Variants in NSUN6 observed in about 807,000 individuals in gnomAD.
NSUN6 encodes the protein tRNA (cytosine(72)-C(5))-methyltransferase NSUN6.
In NSUN6, 64 loss-of-function variants were observed where a neutral mutation model predicts 58.0. The observed-to-expected ratio is 1.10, with a 90% CI of 0.90 to 1.36. The LOEUF is 1.36. Ranked by LOEUF, NSUN6 falls within the 40% of genes most tolerant of loss-of-function variation. NSUN6 has a pLI of 0.00. For missense variants in NSUN6, 701 were observed against 550.1 expected, an observed-to-expected ratio of 1.27 and a Z score of -2.74; for synonymous variants, 231 against 193.9, an observed-to-expected ratio of 1.19 and a Z score of -1.59.
intron 3 of NSUN6, among the ~76,000 whole-genome samples, chr10:18,635,936 ATAAG>A (rs1564834754): frequency 6.6e-6 from 1 of 151,110 alleles, no homozygotes; most frequent in Non-Finnish European, 1.5e-5. Flanking sequence ...CTAAAGTTCA[ATAAG>A]TAAGAATTCC....
At chr10:18,629,283 C>T (rs1463655620) in intron 3 of NSUN6, among the ~76,000 whole-genome samples, 1 of 152,146 alleles carries the variant, frequency 6.6e-6, no homozygotes, top group East Asian at 1.9e-4. Flanking sequence ...ACAACTGCTA[C>T]CAGCCACTGC....
chr10:18,603,595 C>T (rs1030718725), intron 6 of NSUN6, among the ~76,000 whole-genome samples: 7 of 151,836 alleles, frequency 4.6e-5, no homozygotes, highest in African/African-American at 1.7e-4. Flanking sequence ...CTCAGCCTCC[C>T]AAATAGCTGG....
At chr10:18,564,751 TTCCATACCATACTGCATTCCATTCCATTC>T (rs764158997) in intron 8 of NSUN6, among the ~76,000 whole-genome samples, 7,270 of 142,434 alleles carry the variant, frequency 0.051, 260 homozygotes, top group Non-Finnish European at 0.081. Context: ...CTCCATTCCA[TTCCATACCATACTGCATTCCATTCCATTC>T]TCCATTCCAT....
chr10:18,579,004 T>C (rs888808089), intron 8 of NSUN6, among the ~76,000 whole-genome samples: 2 of 152,214 alleles, frequency 1.3e-5, no homozygotes, highest in African/African-American at 2.4e-5. Flanking sequence ...CATTAAATTA[T>C]GAAACTCCTA....
chr10:18,622,917 C>A (rs7088214), intron 3 of NSUN6, among the ~76,000 whole-genome samples: 92,448 of 151,976 alleles, frequency 0.61, 28,543 homozygotes, highest in East Asian at 0.97. Flanking sequence ...TTAAAATTAC[C>A]AATTGGTTTT....
intron 8 of NSUN6, among the ~76,000 whole-genome samples, chr10:18,561,326 T>A (rs367854490): frequency 2.9e-5 from 2 of 68,570 alleles, no homozygotes; most frequent in Non-Finnish European, 2.9e-5. Flanking sequence ...GAATGGAGAA[T>A]GGAATAGAAT....
rs569739328 is a variant in NSUN6, at chr10:18,551,214, C to T, written c.1071+609G>A. On this transcript the variant is annotated intron_variant, in intron 9 of 10. Transcript: ENST00000377304. ...AAAGGTGAGTCAACTTAAATGAAAA[C>T]TTCCTATATTTAAAACTAGGTCCTC... 2.3e-4 allele frequency among the ~76,000 whole-genome samples: 33 copies of T among 144,282 alleles called. 1 individual carries two copies. In the South Asian group the frequency reaches 7.0e-3, roughly 31 times the overall value. 94.7% of individuals were successfully genotyped at this position (144,282 alleles called of 152,430 possible).
At chr10:18,554,309 T>C (rs974798768) in intron 8 of NSUN6, among the ~76,000 whole-genome samples, 1 of 145,704 alleles carries the variant, frequency 6.9e-6, no homozygotes, top group Non-Finnish European at 1.5e-5. Flanking sequence ...CAGAATGCAA[T>C]GGAGAGTGGA....
At chr10:18,629,321 C>A (rs1245252803) in intron 3 of NSUN6, among the ~76,000 whole-genome samples, 1 of 152,114 alleles carries the variant, frequency 6.6e-6, no homozygotes, top group Non-Finnish European at 1.5e-5. Context: ...TAAAGACCAT[C>A]AAGACTAGGA....
At position 18,551,999 on chromosome 10, in the gene NSUN6, C is replaced by A. The variant is rs115353601; in HGVS notation, c.923-28G>T. 3,664 of 1,443,684 alleles carry A rather than the reference C, an allele frequency of 2.5e-3. 74 individuals carry two copies. The African/African-American group carries it at 0.046, about 18-fold the overall frequency. The allele number at this position is 1,443,684 out of a possible 1,614,324, so 89.4% of individuals were successfully genotyped here. On this transcript the variant is annotated intron_variant, in intron 8 of 10. Coordinates refer to ENST00000377304, the MANE Select transcript of NSUN6 (RefSeq NM_182543.5). ...ATAAAGAGAATTATAATCATGTTTA[C>A]TATCTTCCATATAGGTTTAAACTAG...
intron 7 of NSUN6, among the ~76,000 whole-genome samples, chr10:18,591,441 T>A (rs2057372884): frequency 6.6e-6 from 1 of 152,038 alleles, no homozygotes; most frequent in South Asian, 2.1e-4. Flanking sequence ...CAGGACAATA[T>A]CCCTGATGAA....
intron 8 of NSUN6, among the ~76,000 whole-genome samples, chr10:18,559,428 T>G (rs1168340003): frequency 6.7e-6 from 1 of 148,174 alleles, no homozygotes; most frequent in African/African-American, 2.5e-5. Flanking sequence ...TGGAATGGAA[T>G]GGAGAATGGA....
chr10:18,546,853 C>A (rs112512935), intron 10 of NSUN6, among the ~76,000 whole-genome samples: 1 of 149,254 alleles, frequency 6.7e-6, no homozygotes, highest in Non-Finnish European at 1.5e-5. Context: ...GCCTGAGCGA[C>A]AGAGTGACAC....
rs575977988 is a variant in NSUN6, at chr10:18,625,169, G to C, written c.312-8876C>G. On this transcript the variant is annotated intron_variant, in intron 3 of 10. Transcript: ENST00000377304. ...CTTTTCCCTTGCTGGTTTTGCTTCT[G>C]TATGCTTTCATGTAATAAACCATAG... Among the ~76,000 whole-genome samples, 9 of 152,174 alleles carry C rather than the reference G, an allele frequency of 5.9e-5. No individual in the cohort carries two copies. The East Asian group carries it at 1.6e-3, about 26-fold the overall frequency.
At chr10:18,552,317 G>A (rs1250931606) in intron 8 of NSUN6, among the ~76,000 whole-genome samples, 1 of 152,050 alleles carries the variant, frequency 6.6e-6, no homozygotes, top group South Asian at 2.1e-4. Flanking sequence ...TACTTCTCTT[G>A]GTAATTCCTA....
intron 3 of NSUN6, among the ~76,000 whole-genome samples, chr10:18,617,520 G>A (rs371960919): frequency 3.3e-5 from 5 of 152,008 alleles, no homozygotes; most frequent in Admixed American, 1.3e-4. Flanking sequence ...AATTACCTAC[G>A]GACAGCTATA....
At chr10:18,650,441 C>T (rs1319626785) in intron 1 of NSUN6, among the ~76,000 whole-genome samples, 1 of 152,174 alleles carries the variant, frequency 6.6e-6, no homozygotes, top group Non-Finnish European at 1.5e-5. Flanking sequence ...TATCCTAAAA[C>T]AACCTGGCAA....
At chr10:18,568,689 T>C (rs2056145472) in intron 8 of NSUN6, among the ~76,000 whole-genome samples, 1 of 151,658 alleles carries the variant, frequency 6.6e-6, no homozygotes, top group Non-Finnish European at 1.5e-5. Flanking sequence ...CTGCATTCCA[T>C]TCCCTTCCAT....
chr10:18,597,993 A>G (rs373264529), intron 6 of NSUN6, among the ~76,000 whole-genome samples: 3 of 152,214 alleles, frequency 2.0e-5, no homozygotes, highest in Admixed American at 6.5e-5. Flanking sequence ...AAGCTAAGCC[A>G]TAATATCCCC....
Sources: allele counts gnomAD v4.1 joint callset (sites outside exome capture counted in the v4.1 genomes callset), GRCh38; gene constraint gnomAD v4.1.1; transcripts MANE v1.5; gene names NCBI Gene and HGNC (gene_info 2026-07-23, HGNC 2026-07-21).